RAB33B: variants seen among roughly 807,000 people sequenced by gnomAD.
RAB33B encodes the protein RAB33B, member RAS oncogene family.
RAB33B carries 6 observed loss-of-function variants against 15.0 expected under a neutral mutation model. That is an observed-to-expected ratio of 0.40 (90% CI 0.22 to 0.79). The LOEUF (loss-of-function observed/expected upper bound fraction) is 0.79, where lower values mean the gene tolerates loss of function less well. RAB33B is among the 30% of genes least tolerant of loss of function. The probability of loss-of-function intolerance (pLI) is 0.37; values close to 1 mark genes in which losing one functional copy is unlikely to be tolerated. For missense variants in RAB33B, 257 were observed against 296.4 expected, an observed-to-expected ratio of 0.87 and a Z score of 0.98; for synonymous variants, 117 against 108.3, an observed-to-expected ratio of 1.08 and a Z score of -0.50.
At chr4:139,466,237 T>C (rs565820534) in intron 1 of RAB33B, among the ~76,000 whole-genome samples, 1 of 152,218 alleles carries the variant, frequency 6.6e-6, no homozygotes, top group African/African-American at 2.4e-5. Flanking sequence ...CATCTTTTTT[T>C]AATTTTGTTT....
At chr4:139,445,511 T>C in the RAB33B span, among the ~76,000 whole-genome samples, 30 of 152,230 alleles carry the variant, frequency 2.0e-4, no homozygotes, top group Admixed American at 7.2e-4. Context: ...GGTCCAGTAG[T>C]GTGGGTCCTG....
intron 1 of RAB33B, among the ~76,000 whole-genome samples, chr4:139,455,368 C>T (rs1280129439): frequency 6.6e-6 from 1 of 152,124 alleles, no homozygotes; most frequent in Non-Finnish European, 1.5e-5. Flanking sequence ...TGCTTTAAAT[C>T]AGCGATCGTC....
At chr4:139,472,654 T>G in intron 1 of RAB33B, 32 bp from the exon 2 acceptor site, 2 of 1,498,618 alleles carry the variant, frequency 1.3e-6, no homozygotes, top group Non-Finnish European at 1.8e-6. Context: ...GAATGGGATT[T>G]TCAGTTTTCC....
chr4:139,462,147 G>A (rs1236644336), intron 1 of RAB33B, among the ~76,000 whole-genome samples: 4 of 148,590 alleles, frequency 2.7e-5, no homozygotes, highest in East Asian at 2.0e-4. Flanking sequence ...TCCGCCTCCC[G>A]GGTTCACGCC....
rs936007930 is a variant in RAB33B, at chr4:139,465,556, T to C, written c.250-7130T>C. Among the ~76,000 whole-genome samples the C allele has an allele frequency of 2.5e-4, 38 of 152,318 alleles. 1 individual carries two copies. Among genetic ancestry groups the C allele is most frequent in the Admixed American group, 1.4e-3 (21 of 15,292 alleles). ...TTTAAGTCTTTAATCCATCTTGAAT[T>C]AATTTTTGTATAAGGTGTAAGGAAG... On this transcript the variant is annotated intron_variant, in intron 1 of 1. Coordinates refer to ENST00000305626, the MANE Select transcript of RAB33B (RefSeq NM_031296.3).
At chr4:139,453,827 A>C, upstream of RAB33B, 3 of 174,044 alleles carry the variant, frequency 1.7e-5, no homozygotes, top group Non-Finnish European at 2.4e-5. Context: ...GAGGGCGGGA[A>C]CCTTGGACGT....
At chr4:139,466,986 T>C (rs1182217884) in intron 1 of RAB33B, among the ~76,000 whole-genome samples, 6 of 134,156 alleles carry the variant, frequency 4.5e-5, no homozygotes, top group African/African-American at 1.6e-4. Flanking sequence ...TTTTTTTTTT[T>C]GAGGCAGGGT....
chr4:139,469,462 A>G (rs145422529), intron 1 of RAB33B, among the ~76,000 whole-genome samples: 266 of 152,280 alleles, frequency 1.7e-3, no homozygotes, highest in African/African-American at 6.1e-3. Context: ...TCTCTTCTGA[A>G]AGGTCACATA....
chr4:139,460,378 G>A (rs1750150583), intron 1 of RAB33B, among the ~76,000 whole-genome samples: 1 of 152,210 alleles, frequency 6.6e-6, no homozygotes, highest in African/African-American at 2.4e-5. Flanking sequence ...TAGCTAACAT[G>A]CCTAGAGAGA....
In RAB33B at chr4:139,475,919, G is replaced by A. The variant is rs1237950517; in HGVS notation, c.*2793G>A. ...AAACCAGCTTAGCCACAAAGAAATT[G>A]TGTTTTATTTTCTTTGTTTGGTTAC... On this transcript the variant is annotated 3_prime_UTR_variant, in exon 2 of 2. Transcript: ENST00000305626. The A allele has an allele frequency of 1.3e-5, 2 of 152,072 alleles. No individual in the cohort carries two copies. Among genetic ancestry groups the A allele is most frequent in the African/African-American group, 4.8e-5 (2 of 41,424 alleles). The allele number at this position is 152,072 out of a possible 1,614,324, so 9.4% of individuals were successfully genotyped here. A position where few individuals can be genotyped will look rare whatever the true frequency, so the allele number is the denominator to read the frequency against.
rs1750473278 is a variant in RAB33B at position 139,474,951 on chromosome 4, G to A, written c.*1825G>A. 6.6e-6 allele frequency: 1 copy of A among 152,290 alleles called. No individual in the cohort carries two copies. Among genetic ancestry groups the A allele is most frequent in the Non-Finnish European group, 1.5e-5 (1 of 67,904 alleles). The allele number at this position is 152,290 out of a possible 1,614,324, so 9.4% of individuals were successfully genotyped here. Reference sequence around the variant, plus strand: ...TAATCTAATCTAGTTTAAGATTTTTGTTTAATCATCATGGTGGTCCTACCT... The same window carrying A: ...TAATCTAATCTAGTTTAAGATTTTTATTTAATCATCATGGTGGTCCTACCT... On this transcript the variant is annotated 3_prime_UTR_variant, in exon 2 of 2. Coordinates refer to ENST00000305626, the MANE Select transcript of RAB33B (RefSeq NM_031296.3).
chr4:139,475,517 C>T lies in RAB33B; in HGVS notation c.*2391C>T, dbSNP rs568714042. The T allele has an allele frequency of 5.4e-4, 82 of 151,692 alleles. No homozygotes were observed. Among genetic ancestry groups the T allele is most frequent in the African/African-American group, 1.6e-3 (66 of 41,422 alleles). The allele number at this position is 151,692 out of a possible 1,614,324, so 9.4% of individuals were successfully genotyped here. A position where few individuals can be genotyped will look rare whatever the true frequency, so the allele number is the denominator to read the frequency against. ...TATGTTTTTATTTTTAAAAAACATA[C>T]CAGTTGAATGGGGTTAAAGCTTTCA... is the stretch of plus-strand genomic sequence containing the variant. On this transcript the variant is annotated 3_prime_UTR_variant, in exon 2 of 2. Coordinates refer to ENST00000305626, the MANE Select transcript of RAB33B (RefSeq NM_031296.3).
the RAB33B span, among the ~76,000 whole-genome samples, chr4:139,443,039 C>T: frequency 6.6e-6 from 1 of 151,494 alleles, no homozygotes; most frequent in African/African-American, 2.4e-5. Context: ...GTCACCCAGG[C>T]TGGAGTGCAG....
In RAB33B at chr4:139,475,508, A is replaced by G. The variant is rs1249491630; in HGVS notation, c.*2382A>G. The G allele has an allele frequency of 6.6e-6, 1 of 151,928 alleles. No homozygotes were observed. Among genetic ancestry groups the G allele is most frequent in the East Asian group, 1.9e-4 (1 of 5,202 alleles). 9.4% of individuals were successfully genotyped at this position (151,928 alleles called of 1,614,324 possible). Reference sequence around the variant, plus strand: ...TTTTATATATATGTTTTTATTTTTAAAAAACATACCAGTTGAATGGGGTTA... The same window carrying G: ...TTTTATATATATGTTTTTATTTTTAGAAAACATACCAGTTGAATGGGGTTA... On this transcript the variant is annotated 3_prime_UTR_variant, in exon 2 of 2. Coordinates refer to ENST00000305626, the MANE Select transcript of RAB33B (RefSeq NM_031296.3).
intron 1 of RAB33B, among the ~76,000 whole-genome samples, chr4:139,461,872 C>G (rs908108149): frequency 6.6e-6 from 1 of 151,276 alleles, no homozygotes; most frequent in African/African-American, 2.4e-5. Context: ...CCACTGCACT[C>G]CAGCCTGGGT....
At chr4:139,448,244 C>T (rs1171032506), upstream of RAB33B, among the ~76,000 whole-genome samples, 1 of 152,164 alleles carries the variant, frequency 6.6e-6, no homozygotes, top group Non-Finnish European at 1.5e-5. Flanking sequence ...GGAAAAAAAC[C>T]ACGACCTGCT....
chr4:139,468,754 G>A lies in RAB33B; in HGVS notation c.250-3932G>A, dbSNP rs139890800. 1.6e-4 allele frequency among the ~76,000 whole-genome samples: 24 copies of A among 152,270 alleles called. No homozygotes were observed. The East Asian group carries it at 4.0e-3, about 26-fold the overall frequency. On this transcript the variant is annotated intron_variant, in intron 1 of 1. Coordinates refer to ENST00000305626, the MANE Select transcript of RAB33B (RefSeq NM_031296.3). ...TTTCTTGTAGCAGAGGTATGGTATT[G>A]ATCAAACCCTTCAGCTTTTGTTGGG...
At chr4:139,472,494 T>C (rs953879374) in intron 1 of RAB33B, among the ~76,000 whole-genome samples, 192 bp from the exon 2 acceptor site, 2 of 152,216 alleles carry the variant, frequency 1.3e-5, no homozygotes, top group Admixed American at 1.3e-4. Context: ...ACTTGTATTA[T>C]AATTTAATTG....
chr4:139,455,373 A>G (rs940452271), intron 1 of RAB33B, among the ~76,000 whole-genome samples: 1 of 152,026 alleles, frequency 6.6e-6, no homozygotes, highest in Non-Finnish European at 1.5e-5. Context: ...TAAATCAGCG[A>G]TCGTCTTTAT....
Sources: gnomAD v4.1 joint callset for allele counts (sites outside exome capture counted in the v4.1 genomes callset) on GRCh38, gnomAD v4.1.1 for gene constraint, MANE v1.5 for transcripts, NCBI Gene and HGNC (gene_info 2026-07-23, HGNC 2026-07-21) for gene names.